Variants in ALLC observed in about 807,000 individuals in gnomAD.
ALLC encodes probable inactive allantoicase.
A neutral mutation model predicts 45.0 loss-of-function variants in ALLC; 40 were observed. The ratio of observed to expected loss-of-function variants is 0.89; its 90% CI spans 0.69 to 1.16. The LOEUF (loss-of-function observed/expected upper bound fraction) is 1.16, where lower values mean the gene tolerates loss of function less well. Among genes scored for constraint, ALLC ranks in the 50% most tolerant of loss-of-function variants. The pLI, the probability that ALLC is intolerant of heterozygous loss-of-function variation, is 0.00. For missense variants in ALLC, 488 were observed against 493.1 expected (o/e 0.99, Z 0.10); for synonymous variants, 176 against 178.1 (o/e 0.99, Z 0.09).
intron 1 of ALLC, among the ~76,000 whole-genome samples, chr2:3,659,883 C>T (rs1408422483): frequency 6.6e-6 from 1 of 152,232 alleles, no homozygotes; most frequent in African/African-American, 2.4e-5. Context: ...ATGTCACGGC[C>T]CTTTCACAGC....
the ALLC span, among the ~76,000 whole-genome samples, chr2:3,653,133 C>T: frequency 2.0e-5 from 3 of 152,192 alleles, no homozygotes; most frequent in Non-Finnish European, 4.4e-5. This position sits in a 1 kb window ranked among gnomAD's most constrained non-coding sequence, Gnocchi z 4.1. Flanking sequence ...TTTGGCGCTG[C>T]TTCAAAAAGA....
chr2:3,678,646 G>A (rs549064425), intron 4 of ALLC, 91 bp downstream of exon 4: 1 of 983,972 alleles, frequency 1.0e-6, no homozygotes, highest in African/African-American at 1.6e-5. Flanking sequence ...TTTTGGGTCA[G>A]CTTTAACATG....
upstream of ALLC, among the ~76,000 whole-genome samples, chr2:3,655,874 C>A (rs1432663508): frequency 6.6e-6 from 1 of 151,784 alleles, no homozygotes; most frequent in Non-Finnish European, 1.5e-5. Context: ...CTGAGCTCTG[C>A]CCCTGTGCTT....
intron 1 of ALLC, among the ~76,000 whole-genome samples, chr2:3,660,251 C>T (rs1666538646): frequency 6.6e-6 from 1 of 152,142 alleles, no homozygotes; most frequent in African/African-American, 2.4e-5. Context: ...GGTGGCTGCA[C>T]GCCGGCTCCC....
At chr2:3,673,327 G>A (rs1158518848) in intron 2 of ALLC, among the ~76,000 whole-genome samples, 1 of 152,188 alleles carries the variant, frequency 6.6e-6, no homozygotes, top group Non-Finnish European at 1.5e-5. Flanking sequence ...CTGGAGCAAG[G>A]GGGATCCTGA....
chr2:3,651,072 G>A, the ALLC span, among the ~76,000 whole-genome samples: 1 of 152,194 alleles, frequency 6.6e-6, no homozygotes, highest in African/African-American at 2.4e-5. Context: ...GGCATGACCG[G>A]AGAGCTGGCA....
chr2:3,696,854 CA>C (rs1319940005), intron 9 of ALLC, among the ~76,000 whole-genome samples: 1 of 152,148 alleles, frequency 6.6e-6, no homozygotes, highest in East Asian at 1.9e-4. Flanking sequence ...TTGCAAATCC[CA>C]CCAAAAACTT....
At chr2:3,650,871 A>G in the ALLC span, among the ~76,000 whole-genome samples, 1 of 152,178 alleles carries the variant, frequency 6.6e-6, no homozygotes, top group Admixed American at 6.5e-5. Flanking sequence ...GCAGTGTAGG[A>G]TTATGCTTGC....
intron 11 of ALLC, 92 bp from the exon 12 acceptor site, chr2:3,702,271 G>A (rs768215924): frequency 1.4e-5 from 16 of 1,112,586 alleles, no homozygotes; most frequent in Non-Finnish European, 1.4e-5. Flanking sequence ...CTTCGGTTAA[G>A]TCTAAGCCAA....
At position 3,680,545 on chromosome 2, in the gene ALLC, A is replaced by G. The variant is rs961781728; in HGVS notation, c.298+551A>G. Among the ~76,000 whole-genome samples the G allele has an allele frequency of 3.7e-4, 56 of 152,342 alleles. No homozygotes were observed. Among genetic ancestry groups the G allele is most frequent in the African/African-American group, 1.2e-3 (51 of 41,570 alleles). ...TACACAGAGCAGACCTCAGGTGCTGAAGAAGCCAAGAAACCAAAGAAAGAG... is the reference window on the plus strand; with the variant it reads ...TACACAGAGCAGACCTCAGGTGCTGGAGAAGCCAAGAAACCAAAGAAAGAG... On this transcript the variant is annotated intron_variant, in intron 5 of 11. Transcript: ENST00000252505. This position sits in a 1 kb window ranked among gnomAD's most constrained non-coding sequence, Gnocchi z 4.0.
At chr2:3,652,331 G>A in the ALLC span, among the ~76,000 whole-genome samples, 3 of 152,254 alleles carry the variant, frequency 2.0e-5, no homozygotes, top group Admixed American at 2.0e-4. Context: ...AGAGCTCGGG[G>A]CCATTTTGTG....
rs1412821532 is a variant in ALLC at position 3,684,449 on chromosome 2, G to C, written c.511+1375G>C. Among the ~76,000 whole-genome samples, 3 of 152,230 alleles carry C rather than the reference G, an allele frequency of 2.0e-5. No homozygotes were observed. The East Asian group carries it at 5.8e-4, about 29-fold the overall frequency. ...CTTAAATTTCAACAGGTTTTTGGGG[G>C]AACAGGTGGTGTTTGGTTACATGGA... On this transcript the variant is annotated intron_variant, in intron 7 of 11. Transcript: ENST00000252505.
chr2:3,695,738 G>T lies in ALLC; in HGVS notation c.533G>T (p.Arg178Ile), dbSNP rs1422472520. 1.2e-6 allele frequency: 2 copies of T among 1,613,936 alleles called. No individual in the cohort carries two copies. Among genetic ancestry groups the T allele is most frequent in the African/African-American group, 2.7e-5 (2 of 74,942 alleles). Residue 178 changes from arginine to isoleucine, a missense_variant, in exon 8 of 12, where the codon AGA (arginine) becomes ATA (isoleucine). Arg to Ile is a moderately conservative substitution (Grantham distance 97). Transcript: ENST00000252505. ...IFPDGGIARL[R>I]VFGTGQKDWT... ...TCAGATGGTGGAATTGCACGACTTA[G>T]AGTATTCGGTACTGGACAAAAAGAC...
At chr2:3,683,555 A>G (rs1327491426) in intron 7 of ALLC, among the ~76,000 whole-genome samples, 1 of 152,174 alleles carries the variant, frequency 6.6e-6, no homozygotes, top group Non-Finnish European at 1.5e-5. Context: ...ATCATCCCTC[A>G]TCTTCCCTAT....
chr2:3,666,469 A>G (rs570366483), intron 1 of ALLC, among the ~76,000 whole-genome samples: 1 of 152,382 alleles, frequency 6.6e-6, no homozygotes, highest in East Asian at 1.9e-4. Flanking sequence ...GGTGAGACCC[A>G]CAGGCCACAG....
intron 1 of ALLC, among the ~76,000 whole-genome samples, chr2:3,658,976 C>G (rs958339093): frequency 6.6e-6 from 1 of 151,792 alleles, no homozygotes; most frequent in Non-Finnish European, 1.5e-5. Flanking sequence ...AAATATATAC[C>G]AAGAGTTGCC....
chr2:3,660,818 A>T (rs13396792), intron 1 of ALLC, among the ~76,000 whole-genome samples: 2 of 104,260 alleles, frequency 1.9e-5, no homozygotes, highest in African/African-American at 5.3e-5. Flanking sequence ...GTGGGGCAGG[A>T]AATCGGAATG....
At chr2:3,678,443 C>T (rs1163198167) in intron 3 of ALLC, 25 bp from the exon 4 acceptor site, 1 of 1,586,770 alleles carries the variant, frequency 6.3e-7, no homozygotes. Flanking sequence ...TGTTAATGAT[C>T]ACCTTGTTGT....
At chr2:3,673,346 C>G (rs1182651694) in intron 2 of ALLC, among the ~76,000 whole-genome samples, 4 of 152,222 alleles carry the variant, frequency 2.6e-5, no homozygotes, top group South Asian at 2.1e-4. Context: ...GATATGTCCA[C>G]CTACCTGCCA....
Sources: allele counts gnomAD v4.1 joint callset (sites outside exome capture counted in the v4.1 genomes callset), GRCh38; gene constraint gnomAD v4.1.1; non-coding constraint Gnocchi (gnomAD v3.1); transcripts MANE v1.5; gene names NCBI Gene and HGNC (gene_info 2026-07-23, HGNC 2026-07-21).